Variants in PSG5 observed in about 807,000 individuals in gnomAD.
The protein encoded by PSG5 is pregnancy-specific beta-1-glycoprotein 5.
PSG5 carries 53 observed loss-of-function variants against 37.7 expected under a neutral mutation model. The observed-to-expected ratio is 1.41, with a 90% CI of 1.13 to 1.77. PSG5 has a LOEUF of 1.77. PSG5 is among the 40% of genes most tolerant of loss of function. The pLI, the probability that PSG5 is intolerant of heterozygous loss-of-function variation, is 0.00. For synonymous variants in PSG5, 221 were observed against 155.4 expected (o/e 1.42, Z -3.14); for missense variants, 547 against 405.2 (o/e 1.35, Z -3.00).
chr19:43,185,425 C>A (rs537937316), intron 1 of PSG5, among the ~76,000 whole-genome samples: 1 of 51,566 alleles, frequency 1.9e-5, no homozygotes, highest in East Asian at 1.7e-3. Context: ...GGGGTCCACA[C>A]GGCACCCCCC....
chr19:43,175,483 A>G lies in PSG5; in HGVS notation c.710-14T>C. On this transcript the variant is annotated splice_polypyrimidine_tract_variant and intron_variant, in intron 3 of 5. Transcript: ENST00000342951. ...GGTCTGGACCATCTGGAGCAAAGAG[A>G]ATGAAGCCACAGGTGATGTCATCCA... 1 of 1,596,764 alleles carries G rather than the reference A, an allele frequency of 6.3e-7. No individual in the cohort carries two copies. Among genetic ancestry groups the G allele is most frequent in the Non-Finnish European group, 8.5e-7 (1 of 1,171,196 alleles).
chr19:43,181,947 C>A (rs1449957054), intron 2 of PSG5, among the ~76,000 whole-genome samples: 1 of 151,584 alleles, frequency 6.6e-6, no homozygotes, highest in Non-Finnish European at 1.5e-5. Context: ...GAAATGAGTC[C>A]ATGGGCATTG....
At chr19:43,168,391 T>C (rs1225889168) in intron 5 of PSG5, among the ~76,000 whole-genome samples, 188 bp from the exon 6 acceptor site, 2 of 151,418 alleles carry the variant, frequency 1.3e-5, no homozygotes, top group Non-Finnish European at 2.9e-5. Context: ...TTTTTTGAAA[T>C]GGAGTCTCAC....
intron 2 of PSG5, among the ~76,000 whole-genome samples, chr19:43,176,867 C>G (rs1280698967): frequency 1.3e-5 from 2 of 150,814 alleles, no homozygotes; most frequent in Non-Finnish European, 3.0e-5. Flanking sequence ...TGGAGCAGAA[C>G]CATGTTCCCT....
In PSG5 at chr19:43,182,007, C is replaced by T. The variant is rs189569105; in HGVS notation, c.430+2775G>A. ...TGACACCCTGGTGAGTCAGTCCATA[C>T]ATTACAACAGTGACAGCAAAGTAGC... On this transcript the variant is annotated intron_variant, in intron 2 of 5. Coordinates refer to ENST00000342951, the MANE Select transcript of PSG5 (RefSeq NM_002781.4). Among the ~76,000 whole-genome samples, 27 of 151,830 alleles carry T rather than the reference C, an allele frequency of 1.8e-4. 1 individual carries two copies. Among genetic ancestry groups the T allele is most frequent in the Non-Finnish European group, 3.5e-4 (24 of 67,926 alleles).
Position 43,185,377 on chromosome 19 carries a change from T to C in PSG5, c.65-230A>G, listed in dbSNP as rs972040264. 1.3e-5 allele frequency among the ~76,000 whole-genome samples: 2 copies of C among 151,016 alleles called. 1 individual carries two copies. The highest frequency in any genetic ancestry group is 4.9e-5 in the African/African-American group (2 of 40,880). Reference sequence around the variant, plus strand: ...GCGTGACCCCTATTCCTTCAACACTTCTGACCTTGGCATTTTTGTATGGAA... The same window carrying C: ...GCGTGACCCCTATTCCTTCAACACTCCTGACCTTGGCATTTTTGTATGGAA... On this transcript the variant is annotated intron_variant, in intron 1 of 5. Transcript: ENST00000342951.
At chr19:43,178,126 G>C (rs572407347) in intron 2 of PSG5, among the ~76,000 whole-genome samples, 1 of 151,514 alleles carries the variant, frequency 6.6e-6, no homozygotes, top group African/African-American at 2.4e-5. Flanking sequence ...CTGGGTTTTT[G>C]ATTTTCCCTC....
At chr19:43,179,739 G>A (rs1336742782) in intron 2 of PSG5, among the ~76,000 whole-genome samples, 4 of 151,680 alleles carry the variant, frequency 2.6e-5, no homozygotes, top group Non-Finnish European at 5.9e-5. Context: ...GAGCCACAAG[G>A]TGGCGCAGTT....
rs1329388201 is a variant in PSG5 at position 43,185,131 on chromosome 19, G to A, written c.81C>T (p.Phe27=). Residue 27 remains phenylalanine, a synonymous_variant, in exon 2 of 6, where the codon TTC becomes TTT. Transcript: ENST00000342951. ...GLLLTASLLN[F]WNLPITAQVT... ...CTTGAGCAGTGATAGGCAGGTTCCA[G>A]AAGTTTAAAAGTGATGCTAGGAGGT... 4.4e-6 allele frequency: 7 copies of A among 1,606,938 alleles called. No homozygotes were observed. Among genetic ancestry groups the A allele is most frequent in the Non-Finnish European group, 6.0e-6 (7 of 1,176,136 alleles).
intron 2 of PSG5, among the ~76,000 whole-genome samples, chr19:43,182,622 G>C (rs1024645074): frequency 2.0e-4 from 30 of 149,236 alleles, no homozygotes; most frequent in Admixed American, 6.7e-4. Flanking sequence ...AGGCTGATTT[G>C]AGTAATAATA....
At chr19:43,182,142 C>A (rs1969141309) in intron 2 of PSG5, among the ~76,000 whole-genome samples, 1 of 151,686 alleles carries the variant, frequency 6.6e-6, no homozygotes, top group South Asian at 2.1e-4. Flanking sequence ...GACTTTGAAG[C>A]AAGAATCACA....
intron 2 of PSG5, among the ~76,000 whole-genome samples, chr19:43,184,136 T>C (rs1426924321): frequency 2.6e-5 from 4 of 151,696 alleles, no homozygotes; most frequent in East Asian, 1.9e-4. Context: ...CTAAGCCTCC[T>C]AAAGCAGTTG....
At chr19:43,182,919 G>A (rs1300338157) in intron 2 of PSG5, among the ~76,000 whole-genome samples, 1 of 148,952 alleles carries the variant, frequency 6.7e-6, no homozygotes, top group African/African-American at 2.5e-5. Flanking sequence ...GCAACTCCAG[G>A]TGATTTCTGC....
At chr19:43,177,892 C>G (rs533414153) in intron 2 of PSG5, among the ~76,000 whole-genome samples, 13 of 151,126 alleles carry the variant, frequency 8.6e-5, no homozygotes, top group Admixed American at 7.3e-4. Flanking sequence ...TCTTTAATTT[C>G]TTTCAGCAAT....
At position 43,173,103 on chromosome 19, in the gene PSG5, T is replaced by G. The variant is rs1240491937; in HGVS notation, c.964+2112A>C. On this transcript the variant is annotated intron_variant, in intron 4 of 5. Coordinates refer to ENST00000342951, the MANE Select transcript of PSG5 (RefSeq NM_002781.4). The stretch of plus-strand genomic sequence containing the variant: ...TGGCCAAATGATTTTCATGGAGTGT[T>G]CCAAGATCATTCAATGGGGAACGGA... Among the ~76,000 whole-genome samples the G allele has an allele frequency of 4.0e-5, 6 of 151,642 alleles. No homozygotes were observed. The South Asian group carries it at 1.0e-3, about 26-fold the overall frequency.
chr19:43,175,664 C>G, intron 3 of PSG5, 195 bp from the exon 4 acceptor site: 1 of 1,387,916 alleles, frequency 7.2e-7, no homozygotes. Flanking sequence ...CACAAAGTCT[C>G]CCATGACAAG....
chr19:43,186,159 G>A (rs569569977), intron 1 of PSG5, among the ~76,000 whole-genome samples, 183 bp downstream of exon 1: 1 of 151,056 alleles, frequency 6.6e-6, no homozygotes, highest in African/African-American at 2.4e-5. Context: ...TGTATTTTTA[G>A]TAGAGACAGG....
intron 2 of PSG5, 147 bp from the exon 3 acceptor site, chr19:43,176,295 G>T (rs1969010580): frequency 1.4e-6 from 2 of 1,413,066 alleles, no homozygotes; most frequent in Non-Finnish European, 1.9e-6. Context: ...CAAGATAGAT[G>T]CATGATGATC....
chr19:43,185,181 G>A (rs1568377255), intron 1 of PSG5, 34 bp from the exon 2 acceptor site: 3 of 1,569,672 alleles, frequency 1.9e-6, no homozygotes, highest in Non-Finnish European at 2.6e-6. Context: ...TCAATATTGA[G>A]ACCTGTGTAT....
Sources: gnomAD v4.1 joint callset for allele counts (sites outside exome capture counted in the v4.1 genomes callset) on GRCh38, gnomAD v4.1.1 for gene constraint, MANE v1.5 for transcripts, NCBI Gene and HGNC (gene_info 2026-07-23, HGNC 2026-07-21) for gene names.